The following COL2A1 variants were observed in gnomAD, a reference collection of about 807,000 sequenced individuals.
COL2A1 encodes collagen type II alpha 1 chain.
Under a neutral mutation model 204.5 loss-of-function variants are expected in COL2A1, and 28 were observed. The observed-to-expected ratio is 0.14, with a 90% CI of 0.10 to 0.19. The LOEUF (loss-of-function observed/expected upper bound fraction) is 0.19. Among genes scored for constraint, COL2A1 ranks in the 10% least tolerant of loss-of-function variants. The pLI is 1.00. For synonymous variants in COL2A1, 708 were observed against 718.7 expected (o/e 0.99, Z 0.24); for missense variants, 1,388 against 2,027.5 (o/e 0.68, Z 6.06).
Position 47,979,503 on chromosome 12 carries a change from TC to T in COL2A1, c.2733+7del. On this transcript the variant is annotated splice_region_variant and intron_variant, in intron 41 of 53. Coordinates refer to ENST00000380518, the MANE Select transcript of COL2A1 (RefSeq NM_001844.5). ...GCCTGTGCCTCTCATGCCAGGAGCA[TC>T]ACTTACATTGGAGCCTGGGGGTCCA... is the stretch of plus-strand genomic sequence containing the variant. 6.2e-7 allele frequency: 1 copy of T among 1,613,072 alleles called. No individual in the cohort carries two copies. Among genetic ancestry groups the T allele is most frequent in the East Asian group, 2.2e-5 (1 of 44,832 alleles).
Position 47,976,661 on chromosome 12 carries a change from A to T in COL2A1, c.3436-94T>A. The T allele has an allele frequency of 7.0e-7, 1 of 1,436,130 alleles. No individual in the cohort carries two copies. The allele number at this position is 1,436,130 out of a possible 1,614,324, so 89.0% of individuals were successfully genotyped here. On this transcript the variant is annotated intron_variant, in intron 48 of 53. Coordinates refer to ENST00000380518, the MANE Select transcript of COL2A1 (RefSeq NM_001844.5). The surrounding 1 kb of genome is among the most constrained non-coding windows in gnomAD (Gnocchi z 4.3). The stretch of plus-strand genomic sequence containing the variant: ...GGGAACAGCTTTATGTCCCAGCCCC[A>T]TTCCCTTTCCACTTCCTCCTCCCTC...
chr12:47,994,242 A>T (rs1939840315), intron 12 of COL2A1, among the ~76,000 whole-genome samples, 182 bp downstream of exon 12: 2 of 152,222 alleles, frequency 1.3e-5, no homozygotes, highest in Non-Finnish European at 2.9e-5. Flanking sequence ...GGTATAAATA[A>T]CAACTGCCCA....
intron 10 of COL2A1, 109 bp downstream of exon 10, chr12:47,995,601 G>A (rs1592232481): frequency 6.9e-6 from 8 of 1,160,528 alleles, no homozygotes; most frequent in South Asian, 2.4e-5. Context: ...TGGGGCCACC[G>A]ACTGTGGGAA....
In COL2A1 at chr12:47,973,436, C is replaced by T; in HGVS notation, c.4435G>A (p.Val1479Met). 3 of 1,614,180 alleles carry T rather than the reference C, an allele frequency of 1.9e-6. 1 individual carries two copies. Among genetic ancestry groups the T allele is most frequent in the South Asian group, 2.2e-5 (2 of 91,076 alleles). Residue 1479 changes from valine (V) to methionine (M), a missense_variant, in exon 54 of 54, where the codon GTG becomes ATG. Around this residue, in one of 3 missense-constraint regions of COL2A1, gnomAD observed 303 missense variants for 369.2 expected, o/e 0.82. Transcript: ENST00000380518. ...DIGGPEQEFG[V>M]DIGPVCFL Reference sequence around the variant, plus strand: ...AAGAAGCAGACCGGCCCTATGTCCACACCGAATTCCTGCTCGGGCCCTCCT... The same window carrying T: ...AAGAAGCAGACCGGCCCTATGTCCATACCGAATTCCTGCTCGGGCCCTCCT...
intron 1 of COL2A1, 91 bp downstream of exon 1, chr12:48,004,146 C>G (rs1268276428): frequency 9.8e-7 from 1 of 1,015,862 alleles, no homozygotes; most frequent in South Asian, 1.4e-5. Context: ...AGCCCGGAGC[C>G]GCGGGCTCCA....
chr12:47,985,136 CA>C (rs1565681287), intron 26 of COL2A1, 43 bp from the exon 27 acceptor site: 1 of 1,495,134 alleles, frequency 6.7e-7, no homozygotes, highest in East Asian at 2.3e-5. Context: ...ACACTCTGAC[CA>C]CATCCATCCA....
At chr12:48,000,730 G>C (rs760951366) in intron 1 of COL2A1, among the ~76,000 whole-genome samples, 2 of 152,170 alleles carry the variant, frequency 1.3e-5, no homozygotes, top group Non-Finnish European at 2.9e-5. Context: ...AAGAAAGGGG[G>C]GTGAAAAGAC....
rs1938701078 is a variant in COL2A1 at position 47,976,243 on chromosome 12, T to C, written c.3490-173A>G. Among the ~76,000 whole-genome samples, 3 of 152,342 alleles carry C rather than the reference T, an allele frequency of 2.0e-5. No individual in the cohort carries two copies. Among genetic ancestry groups the C allele is most frequent in the Admixed American group, 6.5e-5 (1 of 15,306 alleles). On this transcript the variant is annotated intron_variant, in intron 49 of 53. Transcript: ENST00000380518. This position sits in a 1 kb window ranked among gnomAD's most constrained non-coding sequence, Gnocchi z 4.3. ...TCTATTTGGCCAAGAACCAGCAGGA[T>C]AGCTCCATGGCTTGCCTACCCTCCT...
chr12:47,998,438 G>A lies in COL2A1; in HGVS notation c.293-7C>T, dbSNP rs756906169. The A allele has an allele frequency of 1.2e-6, 2 of 1,610,878 alleles. No homozygotes were observed. Among genetic ancestry groups the A allele is most frequent in the Non-Finnish European group, 8.5e-7 (1 of 1,178,062 alleles). Reference sequence around the variant, plus strand: ...ACCTTTGGTCCTGGTTGCCCTGCAAGGGAAAAAATATAGAGAAGAAGAAGG... The same window carrying A: ...ACCTTTGGTCCTGGTTGCCCTGCAAAGGAAAAAATATAGAGAAGAAGAAGG... On this transcript the variant is annotated splice_region_variant and splice_polypyrimidine_tract_variant and intron_variant, in intron 2 of 53. Coordinates refer to ENST00000380518, the MANE Select transcript of COL2A1 (RefSeq NM_001844.5).
intron 40 of COL2A1, 105 bp downstream of exon 40, chr12:47,979,904 G>T (rs1439372572): frequency 2.8e-6 from 3 of 1,067,414 alleles, no homozygotes; most frequent in African/African-American, 1.6e-5. Flanking sequence ...CCAACGCAGG[G>T]CTGGGAAAAC....
intron 14 of COL2A1, 149 bp from the exon 15 acceptor site, chr12:47,993,651 G>A (rs1939810701): frequency 9.1e-7 from 1 of 1,096,558 alleles, no homozygotes; most frequent in African/African-American, 1.5e-5. Context: ...AGCTCTCCAG[G>A]CCTGCTGTTG....
Position 47,987,208 on chromosome 12 carries a change from G to A in COL2A1, c.1267-32C>T, listed in dbSNP as rs374828989. ...GCATGAGAAGAAGGGAGGGGTGTCA[G>A]GAGAGGGGAGAGGCAGGACTGGGCT... On this transcript the variant is annotated intron_variant, in intron 20 of 53. Coordinates refer to ENST00000380518, the MANE Select transcript of COL2A1 (RefSeq NM_001844.5). The surrounding 1 kb of genome is among the most constrained non-coding windows in gnomAD (Gnocchi z 4.1). 2 of 1,613,308 alleles carry A rather than the reference G, an allele frequency of 1.2e-6. No homozygotes were observed. The highest frequency in any genetic ancestry group is 2.7e-5 in the African/African-American group (2 of 74,902).
rs1313447381 is a variant in COL2A1 at position 47,985,829 on chromosome 12, A to G, written c.1582-3T>C. 6.2e-7 allele frequency: 1 copy of G among 1,606,150 alleles called. No individual in the cohort carries two copies. Among genetic ancestry groups the G allele is most frequent in the African/African-American group, 1.3e-5 (1 of 74,606 alleles). On this transcript the variant is annotated splice_polypyrimidine_tract_variant and splice_region_variant and intron_variant, in intron 24 of 53. Transcript: ENST00000380518. ...GGCCCTCGCTCTCCAGGGGCTCCCT[A>G]CAAGGGTACACAGGGAGTCAGTGGG...
intron 28 of COL2A1, 57 bp downstream of exon 28, chr12:47,984,489 C>T: frequency 3.2e-6 from 5 of 1,576,452 alleles, no homozygotes; most frequent in Middle Eastern, 1.7e-4. Flanking sequence ...GTTCCCCTGT[C>T]CTCCCTGCAG....
rs2136610684 is a variant in COL2A1, at chr12:47,994,048, C to T, written c.817-1G>A. The T allele has an allele frequency of 6.2e-7, 1 of 1,614,018 alleles. No individual in the cohort carries two copies. Among genetic ancestry groups the T allele is most frequent in the Non-Finnish European group, 8.5e-7 (1 of 1,180,008 alleles). On this transcript the variant is annotated splice_acceptor_variant, in intron 12 of 53. Coordinates refer to ENST00000380518, the MANE Select transcript of COL2A1 (RefSeq NM_001844.5). LOFTEE classifies it high-confidence loss of function. ...GGGTTCCTGGGAAACCACGAGCACC[C>T]TGCAATCCAAAGTGGAGGTGTTCAG...
At chr12:47,981,076 CG>C in intron 37 of COL2A1, 108 bp from the exon 38 acceptor site, 1 of 1,193,730 alleles carries the variant, frequency 8.4e-7, no homozygotes, top group African/African-American at 1.5e-5. Context: ...TCCCCAGAGA[CG>C]GGGATCTGAA....
chr12:47,980,918 A>G lies in COL2A1; in HGVS notation c.2514T>C (p.Pro838=). ...GPPGPAGFAG[P]PGADGQPGAK... Reference sequence around the variant, plus strand: ...GAGGATGGACAGAGATACTCACAGGAGGCCCAGCAAATCCCGCTGGTCCGG... The same window carrying G: ...GAGGATGGACAGAGATACTCACAGGGGGCCCAGCAAATCCCGCTGGTCCGG... The change falls in exon 38 of 54, where the codon CCT becomes CCC. Residue 838 remains proline, a synonymous_variant. Transcript: ENST00000380518. This position sits in a 1 kb window ranked among gnomAD's most constrained non-coding sequence, Gnocchi z 4.5. 1.3e-6 allele frequency: 2 copies of G among 1,552,596 alleles called. No individual in the cohort carries two copies. The highest frequency in any genetic ancestry group is 1.7e-6 in the Non-Finnish European group (2 of 1,147,636).
Position 47,974,701 on chromosome 12 carries a change from C to G in COL2A1, c.4048G>C (p.Gly1350Arg), listed in dbSNP as rs1938607232. The G allele has an allele frequency of 6.2e-7, 1 of 1,614,072 alleles. No homozygotes were observed. Among genetic ancestry groups the G allele is most frequent in the South Asian group, 1.1e-5 (1 of 91,082 alleles). ...KSKEKKHIWFGETINGGFHFS... is the reference protein window; with the variant it reads ...KSKEKKHIWFRETINGGFHFS... ...TGGAAGCCACCATTGATGGTTTCTC[C>G]AAACCAGATGTGTTTCTTCTCCTTG... Residue 1350 changes from glycine (G) to arginine (R), a missense_variant, in exon 52 of 54, where the codon GGA becomes CGA. Gly to Arg is a moderately radical substitution (Grantham distance 125). Transcript: ENST00000380518.
In COL2A1 at chr12:47,976,231, G is replaced by A. The variant is rs1264525895; in HGVS notation, c.3490-161C>T. On this transcript the variant is annotated intron_variant, in intron 49 of 53. Transcript: ENST00000380518. This position sits in a 1 kb window ranked among gnomAD's most constrained non-coding sequence, Gnocchi z 4.3. ...CCTAAGTTGGTCTCTATTTGGCCAA[G>A]AACCAGCAGGATAGCTCCATGGCTT... Among the ~76,000 whole-genome samples, 2 of 152,212 alleles carry A rather than the reference G, an allele frequency of 1.3e-5. No individual in the cohort carries two copies. Among genetic ancestry groups the A allele is most frequent in the African/African-American group, 2.4e-5 (1 of 41,454 alleles).
Sources: allele counts gnomAD v4.1 joint callset (sites outside exome capture counted in the v4.1 genomes callset), GRCh38; gene constraint gnomAD v4.1.1; regional missense constraint gnomAD v4.1.1; non-coding constraint Gnocchi (gnomAD v3.1); transcripts MANE v1.5; gene names NCBI Gene and HGNC (gene_info 2026-07-23, HGNC 2026-07-21).